The following LIN28A variants were observed in gnomAD, a reference collection of about 807,000 sequenced individuals.
LIN28A encodes the protein protein lin-28 homolog A.
A neutral mutation model predicts 21.1 loss-of-function variants in LIN28A; 11 were observed. The observed-to-expected ratio is 0.52, with a 90% CI of 0.33 to 0.86. The LOEUF is 0.86. Ranked by LOEUF, LIN28A falls within the 40% of genes least tolerant of loss-of-function variation. LIN28A has a pLI of 0.03. For synonymous variants in LIN28A, 111 were observed against 108.7 expected, an observed-to-expected ratio of 1.02 and a Z score of -0.13; for missense variants, 219 against 279.8, an observed-to-expected ratio of 0.78 and a Z score of 1.55.
chr1:26,411,163 T>G lies in LIN28A; in HGVS notation c.32-223T>G, dbSNP rs1392532587. Reference sequence around the variant, plus strand: ...CGCCGTGAGTCTCTGGGAAACGCGTTGTGGGAAGAGGAGCAAAACTTTCGG... The same window carrying G: ...CGCCGTGAGTCTCTGGGAAACGCGTGGTGGGAAGAGGAGCAAAACTTTCGG... On this transcript the variant is annotated intron_variant, in intron 1 of 3. Coordinates refer to ENST00000326279, the MANE Select transcript of LIN28A (RefSeq NM_024674.6). This position sits in a 1 kb window ranked among gnomAD's most constrained non-coding sequence, Gnocchi z 5.4. Among the ~76,000 whole-genome samples the G allele has an allele frequency of 6.6e-6, 1 of 152,108 alleles. No individual in the cohort carries two copies. The highest frequency in any genetic ancestry group is 6.6e-5 in the Admixed American group (1 of 15,266).
In LIN28A at chr1:26,426,391, C is replaced by A. The variant is rs748777822; in HGVS notation, c.563C>A (p.Pro188Gln). The A allele has an allele frequency of 6.2e-7, 1 of 1,614,222 alleles. No homozygotes were observed. The highest frequency in any genetic ancestry group is 8.5e-7 in the Non-Finnish European group (1 of 1,180,040). ...AQQGPSAQGK[P>Q]TYFREEEEEI... Reference sequence around the variant, plus strand: ...CAGGGCCCTAGTGCACAGGGAAAGCCAACCTACTTTCGAGAGGAAGAAGAA... The same window carrying A: ...CAGGGCCCTAGTGCACAGGGAAAGCAAACCTACTTTCGAGAGGAAGAAGAA... Residue 188 changes from proline to glutamine, a missense_variant, in exon 4 of 4, where the codon CCA becomes CAA. Coordinates refer to ENST00000326279, the MANE Select transcript of LIN28A (RefSeq NM_024674.6).
intron 2 of LIN28A, among the ~76,000 whole-genome samples, chr1:26,420,218 G>A (rs759613241): frequency 6.6e-6 from 1 of 152,064 alleles, no homozygotes; most frequent in African/African-American, 2.4e-5. Flanking sequence ...ACCTGCCTCA[G>A]TCACCCAAAT....
chr1:26,425,804 G>A (rs1217301253), intron 3 of LIN28A, among the ~76,000 whole-genome samples: 1 of 152,224 alleles, frequency 6.6e-6, no homozygotes, highest in Non-Finnish European at 1.5e-5. Flanking sequence ...GGTGGGACAA[G>A]ACAGTATTAT....
At chr1:26,426,189 T>C in intron 3 of LIN28A, 53 bp from the exon 4 acceptor site, 1 of 1,452,102 alleles carries the variant, frequency 6.9e-7, no homozygotes, top group Non-Finnish European at 9.7e-7. Flanking sequence ...GTGGGAGGCA[T>C]CTGGCCTCTT....
In LIN28A at chr1:26,411,161, G is replaced by A. The variant is rs1459500619; in HGVS notation, c.32-225G>A. Reference sequence around the variant, plus strand: ...CCCGCCGTGAGTCTCTGGGAAACGCGTTGTGGGAAGAGGAGCAAAACTTTC... The same window carrying A: ...CCCGCCGTGAGTCTCTGGGAAACGCATTGTGGGAAGAGGAGCAAAACTTTC... On this transcript the variant is annotated intron_variant, in intron 1 of 3. Transcript: ENST00000326279. The surrounding 1 kb of genome is among the most constrained non-coding windows in gnomAD (Gnocchi z 5.4). Among the ~76,000 whole-genome samples the A allele has an allele frequency of 2.0e-5, 3 of 152,252 alleles. No individual in the cohort carries two copies. The highest frequency in any genetic ancestry group is 7.2e-5 in the African/African-American group (3 of 41,474).
At position 26,410,867 on chromosome 1, in the gene LIN28A, G is replaced by A. The variant is rs1220197190; in HGVS notation, c.-25G>A. 2.5e-6 allele frequency: 4 copies of A among 1,611,892 alleles called. No homozygotes were observed. The highest frequency in any genetic ancestry group is 2.2e-5 in the South Asian group (2 of 90,986). ...CCAGCAGCCGCCCGACCAGGGGCCC[G>A]GGGCCACGGGCTCAGCCGACGACCA... is the stretch of plus-strand genomic sequence containing the variant. On this transcript the variant is annotated 5_prime_UTR_variant, in exon 1 of 4. Coordinates refer to ENST00000326279, the MANE Select transcript of LIN28A (RefSeq NM_024674.6).
rs1371463744 is a variant in LIN28A at position 26,427,142 on chromosome 1, C to T, written c.*684C>T. On this transcript the variant is annotated 3_prime_UTR_variant, in exon 4 of 4. Coordinates refer to ENST00000326279, the MANE Select transcript of LIN28A (RefSeq NM_024674.6). Reference sequence around the variant, plus strand: ...AACTGCACTAGCTGTGTGCGAATGACGTATCTTGTGCATTTTAACTTTTTT... The same window carrying T: ...AACTGCACTAGCTGTGTGCGAATGATGTATCTTGTGCATTTTAACTTTTTT... The T allele has an allele frequency of 6.5e-6, 1 of 152,724 alleles. No homozygotes were observed. Among genetic ancestry groups the T allele is most frequent in the African/African-American group, 2.4e-5 (1 of 41,454 alleles). 9.5% of individuals were successfully genotyped at this position (152,724 alleles called of 1,614,324 possible).
chr1:26,423,994 C>T (rs1443544596), intron 2 of LIN28A, among the ~76,000 whole-genome samples: 2 of 151,874 alleles, frequency 1.3e-5, no homozygotes, highest in South Asian at 4.2e-4. Context: ...GATCTCCTGA[C>T]CTCGTGATCC....
chr1:26,423,676 T>A, intron 2 of LIN28A, among the ~76,000 whole-genome samples: 1 of 152,024 alleles, frequency 6.6e-6, no homozygotes, highest in Non-Finnish European at 1.5e-5. Context: ...CTTCCCAAAG[T>A]GCTGGGATTA....
At chr1:26,420,124 A>G (rs573356699) in intron 2 of LIN28A, among the ~76,000 whole-genome samples, 1 of 152,030 alleles carries the variant, frequency 6.6e-6, no homozygotes, top group African/African-American at 2.4e-5. Context: ...TGCTGAGCTA[A>G]TTTTTGTATT....
rs964167687 is a variant in LIN28A at position 26,429,055 on chromosome 1, A to G, written c.*2597A>G. 1 of 153,138 alleles carries G rather than the reference A, an allele frequency of 6.5e-6. No individual in the cohort carries two copies. Among genetic ancestry groups the G allele is most frequent in the African/African-American group, 2.4e-5 (1 of 41,460 alleles). 9.5% of individuals were successfully genotyped at this position (153,138 alleles called of 1,614,324 possible). A position where few individuals can be genotyped will look rare whatever the true frequency, so the allele number is the denominator to read the frequency against. Reference sequence around the variant, plus strand: ...GTGGTGCATGCCTTTAGTCCTAGCTATTCAGGAGGCTGAGGCAGGGGAATC... The same window carrying G: ...GTGGTGCATGCCTTTAGTCCTAGCTGTTCAGGAGGCTGAGGCAGGGGAATC... On this transcript the variant is annotated 3_prime_UTR_variant, in exon 4 of 4. Coordinates refer to ENST00000326279, the MANE Select transcript of LIN28A (RefSeq NM_024674.6).
intron 2 of LIN28A, among the ~76,000 whole-genome samples, chr1:26,422,161 A>G (rs1442333411): frequency 6.6e-6 from 1 of 151,908 alleles, no homozygotes; most frequent in African/African-American, 2.4e-5. Context: ...GGTGTGTACC[A>G]CTGTGCCTGG....
intron 2 of LIN28A, among the ~76,000 whole-genome samples, chr1:26,413,844 T>TC (rs71007862): frequency 2.4e-4 from 35 of 146,894 alleles, no homozygotes; most frequent in South Asian, 4.2e-4. Flanking sequence ...TTTTTTTTTT[T>TC]GAGATGGTGT....
In LIN28A at chr1:26,427,246, G is replaced by C. The variant is rs181573355; in HGVS notation, c.*788G>C. ...CTCATTTCCTGCACTGTGTTCTCAG[G>C]TACATGAGCAATCTCAGGGATAGCC... On this transcript the variant is annotated 3_prime_UTR_variant, in exon 4 of 4. Transcript: ENST00000326279. 6.5e-6 allele frequency: 1 copy of C among 152,672 alleles called. No individual in the cohort carries two copies. The highest frequency in any genetic ancestry group is 1.9e-4 in the East Asian group (1 of 5,186). The allele number at this position is 152,672 out of a possible 1,614,324, so 9.5% of individuals were successfully genotyped here. A position where few individuals can be genotyped will look rare whatever the true frequency, so the allele number is the denominator to read the frequency against.
intron 2 of LIN28A, among the ~76,000 whole-genome samples, chr1:26,421,950 A>T (rs1056182404): frequency 6.6e-6 from 1 of 151,992 alleles, no homozygotes; most frequent in Non-Finnish European, 1.5e-5. Flanking sequence ...AGTTGGAGAC[A>T]GTAAGCACTT....
At position 26,411,297 on chromosome 1, in the gene LIN28A, C is replaced by T. The variant is rs2074957221; in HGVS notation, c.32-89C>T. The T allele has an allele frequency of 7.8e-7, 1 of 1,279,976 alleles. No homozygotes were observed. The highest frequency in any genetic ancestry group is 1.5e-5 in the African/African-American group (1 of 66,176). 79.3% of individuals were successfully genotyped at this position (1,279,976 alleles called of 1,614,324 possible). ...CCCTCCTGGCTGTCCACTTGTGGGG[C>T]TGGATACTCGGGTCTCCCTGCCTGG... On this transcript the variant is annotated intron_variant, in intron 1 of 3. Transcript: ENST00000326279. The surrounding 1 kb of genome is among the most constrained non-coding windows in gnomAD (Gnocchi z 5.4).
chr1:26,428,546 T>TTC lies in LIN28A; in HGVS notation c.*2089_*2090insCT, dbSNP rs1480410564. On this transcript the variant is annotated 3_prime_UTR_variant, in exon 4 of 4. Transcript: ENST00000326279. ...AGACCATTACCATTTCTTTCTTTCT[T>TTC]TTTTTTTTTTTTTTAAAATGGAGTC... 2 of 6,072 alleles carry TTC rather than the reference T, an allele frequency of 3.3e-4. No homozygotes were observed. Among genetic ancestry groups the TTC allele is most frequent in the African/African-American group, 1.6e-3 (2 of 1,282 alleles). 0.4% of individuals were successfully genotyped at this position (6,072 alleles called of 1,614,324 possible). A position where few individuals can be genotyped will look rare whatever the true frequency, so the allele number is the denominator to read the frequency against.
intron 2 of LIN28A, 71 bp from the exon 3 acceptor site, chr1:26,425,232 A>G (rs948687125): frequency 4.1e-6 from 6 of 1,474,860 alleles, no homozygotes; most frequent in Non-Finnish European, 5.6e-6. Context: ...CCCTACAGGA[A>G]TAAGAGTTCC....
intron 2 of LIN28A, among the ~76,000 whole-genome samples, chr1:26,413,869 C>A (rs1225024379): frequency 7.8e-6 from 1 of 128,630 alleles, no homozygotes; most frequent in Non-Finnish European, 1.6e-5. Context: ...CTCTTGTTGG[C>A]CAGGCTGGAG....
Sources: gnomAD v4.1 joint callset for allele counts (sites outside exome capture counted in the v4.1 genomes callset) on GRCh38, gnomAD v4.1.1 for gene constraint, Gnocchi (gnomAD v3.1) non-coding constraint, MANE v1.5 for transcripts, NCBI Gene and HGNC (gene_info 2026-07-23, HGNC 2026-07-21) for gene names.